The following SOX30 variants were observed in gnomAD, a reference collection of about 807,000 sequenced individuals.
SOX30 encodes SRY-box transcription factor 30.
A neutral mutation model predicts 58.6 loss-of-function variants in SOX30; 17 were observed. That is an observed-to-expected ratio of 0.29 (90% CI 0.20 to 0.44). SOX30 has a LOEUF of 0.44. Among genes scored for constraint, SOX30 ranks in the 20% least tolerant of loss-of-function variants. The pLI is 1.00. For missense variants in SOX30, 951 were observed against 965.8 expected, an observed-to-expected ratio of 0.98 and a Z score of 0.20; for synonymous variants, 421 against 400.2, an observed-to-expected ratio of 1.05 and a Z score of -0.62.
intron 4 of SOX30, among the ~76,000 whole-genome samples, chr5:157,627,015 C>A (rs1758672735): frequency 6.6e-6 from 1 of 152,188 alleles, no homozygotes; most frequent in Non-Finnish European, 1.5e-5. Flanking sequence ...TCTCATGATG[C>A]CTCATACCAT....
At chr5:157,655,887 C>T (rs1759461510), upstream of SOX30, among the ~76,000 whole-genome samples, 1 of 152,192 alleles carries the variant, frequency 6.6e-6, no homozygotes, top group African/African-American at 2.4e-5. Flanking sequence ...CTGTATTGTT[C>T]TGTCATAAAG....
intron 3 of SOX30, among the ~76,000 whole-genome samples, chr5:157,644,935 C>T (rs757564964): frequency 1.1e-3 from 169 of 152,070 alleles, no homozygotes; most frequent in Non-Finnish European, 9.6e-4. Flanking sequence ...GAGCCGAGAT[C>T]GCGCCACTAC....
chr5:157,637,850 C>A (rs972702364), intron 4 of SOX30, among the ~76,000 whole-genome samples: 1 of 152,102 alleles, frequency 6.6e-6, no homozygotes, highest in Non-Finnish European at 1.5e-5. Context: ...CGTGCCACCA[C>A]GCCTGGCTAA....
Position 157,643,281 on chromosome 5 carries a change from A to G in SOX30, c.1387+3356T>C, listed in dbSNP as rs553056636. 1.1e-4 allele frequency among the ~76,000 whole-genome samples: 16 copies of G among 152,238 alleles called. No homozygotes were observed. The South Asian group carries it at 2.3e-3, about 22-fold the overall frequency. Reference sequence around the variant, plus strand: ...CTAAAACTACAAAAATTAGCCAGACATGGTGGTGCATGCCTATAATCCCAG... The same window carrying G: ...CTAAAACTACAAAAATTAGCCAGACGTGGTGGTGCATGCCTATAATCCCAG... On this transcript the variant is annotated intron_variant, in intron 3 of 4. Transcript: ENST00000265007.
At chr5:157,667,851 A>G in exon 2 of SOX30, 2 of 1,535,570 alleles carry the variant, frequency 1.3e-6, no homozygotes, top group Non-Finnish European at 1.7e-6. Flanking sequence ...TTTCTCCATG[A>G]CCTGGAACAA....
chr5:157,648,627 GAAGT>G (rs775137381), intron 2 of SOX30, 26 bp downstream of exon 2: 67 of 1,591,258 alleles, frequency 4.2e-5, no homozygotes, highest in African/African-American at 1.6e-4. Flanking sequence ...TCATTTAAAA[GAAGT>G]AAGAGGCATT....
intron 1 of SOX30, chr5:157,667,882 A>C: frequency 6.5e-7 from 1 of 1,534,630 alleles, no homozygotes. Flanking sequence ...ACTTCTGTTT[A>C]CTGAGCACCT....
rs149075313 is a variant in SOX30 at position 157,669,662 on chromosome 5, G to A, written c.-4+1668C>T. On this transcript the variant is annotated intron_variant, in intron 1 of 5. Transcript: ENST00000519442. ...CTCCCTAGTGGCTGGCATTACCGGT[G>A]GGCGCTACCACGCCTGACTAATTTT... Among the ~76,000 whole-genome samples the A allele has an allele frequency of 6.4e-3, 976 of 151,986 alleles. 3 individuals carry two copies. The highest frequency in any genetic ancestry group is 0.011 in the Non-Finnish European group (741 of 67,964).
intron 3 of SOX30, among the ~76,000 whole-genome samples, chr5:157,642,075 G>C (rs887186652): frequency 6.6e-5 from 10 of 152,124 alleles, no homozygotes; most frequent in Non-Finnish European, 1.0e-4. Context: ...CTGCACTTCG[G>C]GAGGCTGAGA....
At chr5:157,661,093 G>T (rs1272747659) in intron 2 of SOX30, among the ~76,000 whole-genome samples, 1 of 151,886 alleles carries the variant, frequency 6.6e-6, no homozygotes, top group Non-Finnish European at 1.5e-5. Context: ...AATTTCCTTT[G>T]CAGTTGGTTG....
At chr5:157,671,356 C>G in exon 1 of SOX30, 1 of 521,612 alleles carries the variant, frequency 1.9e-6, no homozygotes, top group Non-Finnish European at 3.4e-6. Context: ...CAGACCCGTC[C>G]GTCTTCACAG....
chr5:157,671,423 G>T, exon 1 of SOX30: 1 of 582,884 alleles, frequency 1.7e-6, no homozygotes. Context: ...CGCGTCCGTG[G>T]CCGCCGGACT....
At position 157,628,643 on chromosome 5, in the gene SOX30, C is replaced by CTT. The variant is rs35972610; in HGVS notation, c.1881-1924_1881-1923dup. On this transcript the variant is annotated intron_variant, in intron 4 of 4. Coordinates refer to ENST00000265007, the MANE Select transcript of SOX30 (RefSeq NM_178424.2). The stretch of plus-strand genomic sequence containing the variant: ...CACATGTCCTGAATACACTGTGCTT[C>CTT]TTTTTTTTTTTTTTTTGAGACAGAG... Among the ~76,000 whole-genome samples, 33 of 137,674 alleles carry CTT rather than the reference C, an allele frequency of 2.4e-4. 1 individual carries two copies. The highest frequency in any genetic ancestry group is 7.0e-4 in the African/African-American group (26 of 37,132). 90.3% of individuals were successfully genotyped at this position (137,674 alleles called of 152,430 possible).
chr5:157,631,848 C>A (rs1448256891), intron 4 of SOX30, among the ~76,000 whole-genome samples: 2 of 150,728 alleles, frequency 1.3e-5, no homozygotes, highest in African/African-American at 2.4e-5. Context: ...TTGAAAACAG[C>A]CTAGGCAACA....
chr5:157,651,398 G>A lies in SOX30; in HGVS notation c.681C>T (p.Gly227=), dbSNP rs1285717433. The change falls in exon 1 of 5, where the codon GGC becomes GGT. Residue 227 remains glycine (G), a synonymous_variant. Transcript: ENST00000265007. ...CCAGGCCATTGGACGCGGGCTCCGCGCCGAGCCTGCAGTCCTCGAGGAGTC... is the reference window on the plus strand; with the variant it reads ...CCAGGCCATTGGACGCGGGCTCCGCACCGAGCCTGCAGTCCTCGAGGAGTC... ...PERLLEDCRL[G]AEPASNGLVH... 10 of 1,613,268 alleles carry A rather than the reference G, an allele frequency of 6.2e-6. No individual in the cohort carries two copies. Among genetic ancestry groups the A allele is most frequent in the Non-Finnish European group, 8.5e-6 (10 of 1,180,048 alleles).
chr5:157,640,028 G>A (rs1317495113), intron 3 of SOX30, among the ~76,000 whole-genome samples: 1 of 152,170 alleles, frequency 6.6e-6, no homozygotes, highest in Non-Finnish European at 1.5e-5. Flanking sequence ...AGGTTATCTG[G>A]ACTAGCCCCA....
At chr5:157,669,788 G>C (rs1393391465) in intron 1 of SOX30, among the ~76,000 whole-genome samples, 3 of 152,030 alleles carry the variant, frequency 2.0e-5, no homozygotes, top group Non-Finnish European at 4.4e-5. Flanking sequence ...CAAAGTGCAG[G>C]GATTACAGGC....
intron 1 of SOX30, among the ~76,000 whole-genome samples, chr5:157,669,486 TTTTATTTA>T (rs35157596): frequency 4.2e-3 from 573 of 136,742 alleles, no homozygotes; most frequent in East Asian, 7.4e-3. Flanking sequence ...CGCCCATCAA[TTTTATTTA>T]TTTATTTATT....
rs2113851281 is a variant in SOX30 at position 157,652,078 on chromosome 5, TG to T, written c.-1del. On this transcript the variant is annotated 5_prime_UTR_variant, in exon 1 of 5. Coordinates refer to ENST00000265007, the MANE Select transcript of SOX30 (RefSeq NM_178424.2). The stretch of plus-strand genomic sequence containing the variant: ...GGCGGCTCGGGTCTGGCTCTCTCCA[TG>T]GGGGAGGGGGACGCCCCGGCCAGGA... 7.1e-7 allele frequency: 1 copy of T among 1,402,856 alleles called. No homozygotes were observed. The highest frequency in any genetic ancestry group is 1.5e-5 in the African/African-American group (1 of 66,094). The allele number at this position is 1,402,856 out of a possible 1,614,324, so 86.9% of individuals were successfully genotyped here. A position where few individuals can be genotyped will look rare whatever the true frequency, so the allele number is the denominator to read the frequency against.
Sources: allele counts gnomAD v4.1 joint callset (sites outside exome capture counted in the v4.1 genomes callset), GRCh38; gene constraint gnomAD v4.1.1; transcripts MANE v1.5; gene names NCBI Gene and HGNC (gene_info 2026-07-23, HGNC 2026-07-21).